CCM2L: variants seen among roughly 807,000 people sequenced by gnomAD.
The protein encoded by CCM2L is cerebral cavernous malformations 2 protein-like.
CCM2L carries 36 observed loss-of-function variants against 54.1 expected under a neutral mutation model. That is an observed-to-expected ratio of 0.67 (90% CI 0.51 to 0.88). CCM2L has a LOEUF of 0.88. Ranked by LOEUF, CCM2L falls within the 40% of genes least tolerant of loss-of-function variation. CCM2L has a pLI of 0.00. For synonymous variants in CCM2L, 351 were observed against 359.3 expected, an observed-to-expected ratio of 0.98 and a Z score of 0.26; for missense variants, 700 against 812.1, an observed-to-expected ratio of 0.86 and a Z score of 1.68.
Position 32,031,436 on chromosome 20 carries a change from G to C in CCM2L, c.*122G>C. 1.2e-6 allele frequency: 1 copy of C among 811,900 alleles called. No homozygotes were observed. 50.3% of individuals were successfully genotyped at this position (811,900 alleles called of 1,614,324 possible). On this transcript the variant is annotated 3_prime_UTR_variant, in exon 10 of 10. Coordinates refer to ENST00000452892, the MANE Select transcript of CCM2L (RefSeq NM_001365692.1). Reference sequence around the variant, plus strand: ...CGGGGCCGGGGGGTCTTCACTCCAGGGTCTCGCTCCCTGCCCTTGGGGCCC... The same window carrying C: ...CGGGGCCGGGGGGTCTTCACTCCAGCGTCTCGCTCCCTGCCCTTGGGGCCC...
At chr20:32,018,264 G>T (rs1156398590) in intron 4 of CCM2L, 102 bp downstream of exon 4, 1 of 901,958 alleles carries the variant, frequency 1.1e-6, no homozygotes, top group Non-Finnish European at 1.6e-6. Flanking sequence ...CCGGAGGTGT[G>T]CGGATGGAGA....
chr20:32,016,959 C>T (rs545033439), intron 2 of CCM2L, among the ~76,000 whole-genome samples: 5 of 152,014 alleles, frequency 3.3e-5, no homozygotes, highest in African/African-American at 7.2e-5. Flanking sequence ...GGCAGCCTGG[C>T]CAACATGGTG....
chr20:32,023,291 A>C (rs1467185652), intron 6 of CCM2L, among the ~76,000 whole-genome samples: 1 of 152,198 alleles, frequency 6.6e-6, no homozygotes, highest in East Asian at 1.9e-4. Context: ...TGATGATCTC[A>C]AACTTAGCTT....
intron 9 of CCM2L, among the ~76,000 whole-genome samples, chr20:32,030,394 C>T (rs1568928786): frequency 6.6e-6 from 1 of 152,168 alleles, no homozygotes; most frequent in Admixed American, 6.5e-5. Context: ...ATAAAACAAA[C>T]TGTTTACAGA....
chr20:32,029,630 T>C (rs2064899726), intron 8 of CCM2L, 70 bp from the exon 9 acceptor site: 2 of 1,533,094 alleles, frequency 1.3e-6, no homozygotes, highest in African/African-American at 2.8e-5. Flanking sequence ...GGGAAGGCTC[T>C]GGGCCTTTCA....
chr20:32,022,823 T>C, intron 6 of CCM2L, 28 bp downstream of exon 6: 1 of 1,609,964 alleles, frequency 6.2e-7, no homozygotes, highest in East Asian at 2.2e-5. Context: ...TGGCCTCCCC[T>C]CCTGTGAAAC....
intron 2 of CCM2L, 143 bp from the exon 3 acceptor site, chr20:32,017,657 G>T: frequency 1.3e-6 from 1 of 752,318 alleles, no homozygotes; most frequent in Non-Finnish European, 2.4e-6. Context: ...TCTATTAAGG[G>T]CTCAGTAAAA....
chr20:32,019,019 CG>C lies in CCM2L; in HGVS notation c.547del (p.Ala183ArgfsTer126). On this transcript the variant is annotated frameshift_variant, in exon 5 of 10. Transcript: ENST00000452892. LOFTEE classifies it high-confidence loss of function. ...CAGGACGCGACCCCGGCCCGCCAGGCGGGGCGCCCGAGAAGCGGCGGGTGGG... is the reference window on the plus strand; with the variant it reads ...CAGGACGCGACCCCGGCCCGCCAGGCGGGCGCCCGAGAAGCGGCGGGTGGG... ...GAGRDPGPPG[G>X]APEKRRVGTA... is the part of the protein sequence containing the mutation. 1 of 1,328,956 alleles carries C rather than the reference CG, an allele frequency of 7.5e-7. No individual in the cohort carries two copies. Among genetic ancestry groups the C allele is most frequent in the South Asian group, 2.0e-5 (1 of 49,316 alleles). The allele number at this position is 1,328,956 out of a possible 1,614,324, so 82.3% of individuals were successfully genotyped here.
Position 32,014,261 on chromosome 20 carries a change from A to ATTT in CCM2L, c.31-629_31-627dup, listed in dbSNP as rs5841095. ...TATGTGTGTACATATATATATATAT[A>ATTT]TTTTTTTTTTTTTTTTGAGACAGAG... On this transcript the variant is annotated intron_variant, in intron 1 of 9. Transcript: ENST00000452892. Among the ~76,000 whole-genome samples the ATTT allele has an allele frequency of 1.2e-3, 161 of 132,222 alleles. No individual in the cohort carries two copies. In the Middle Eastern group the frequency reaches 0.028, roughly 23 times the overall value. The allele number at this position is 132,222 out of a possible 152,430, so 86.7% of individuals were successfully genotyped here. A position where few individuals can be genotyped will look rare whatever the true frequency, so the allele number is the denominator to read the frequency against.
At chr20:32,030,939 C>A (rs2064916917) in intron 9 of CCM2L, 62 bp from the exon 10 acceptor site, 2 of 1,277,050 alleles carry the variant, frequency 1.6e-6, no homozygotes, top group Non-Finnish European at 2.1e-6. Flanking sequence ...AGAGAGGACG[C>A]TTCCCCTGTG....
rs2064769982 is a variant in CCM2L at position 32,018,968 on chromosome 20, C to T, written c.492C>T (p.Ala164=). 7.1e-7 allele frequency: 1 copy of T among 1,401,566 alleles called. No individual in the cohort carries two copies. Among genetic ancestry groups the T allele is most frequent in the Non-Finnish European group, 9.2e-7 (1 of 1,082,146 alleles). The allele number at this position is 1,401,566 out of a possible 1,614,324, so 86.8% of individuals were successfully genotyped here. A position where few individuals can be genotyped will look rare whatever the true frequency, so the allele number is the denominator to read the frequency against. ...GTCTGGGTGTGGACCCGGTGCCGGC[C>T]GGCGTGGATGCCAGCCCAGGCGGCG... ...KTGLGVDPVP[A]GVDASPGGAG... The change falls in exon 5 of 10, where the codon GCC becomes GCT. Residue 164 remains alanine, a synonymous_variant. Transcript: ENST00000452892.
intron 5 of CCM2L, 98 bp downstream of exon 5, chr20:32,019,507 C>A: frequency 1.2e-6 from 1 of 834,724 alleles, no homozygotes; most frequent in Non-Finnish European, 1.7e-6. Flanking sequence ...TTCCTAGGAT[C>A]TGCCCCTGCC....
rs2064773530 is a variant in CCM2L at position 32,019,116 on chromosome 20, G to A, written c.640G>A (p.Ala214Thr). ...RMGWGGGAAEARAGGGGGGSL... is the reference protein window; with the variant it reads ...RMGWGGGAAETRAGGGGGGSL... ...GGGGTGGGGTGGGGGCGCCGCGGAG[G>A]CCCGGGCCGGGGGAGGCGGCGGCGG... is the stretch of plus-strand genomic sequence containing the variant. Residue 214 changes from alanine to threonine, a missense_variant, in exon 5 of 10, where the codon GCC becomes ACC. By Grantham distance (58) the Ala-to-Thr change is moderately conservative. Transcript: ENST00000452892. 6.9e-6 allele frequency: 8 copies of A among 1,162,926 alleles called. No homozygotes were observed. Among genetic ancestry groups the A allele is most frequent in the Non-Finnish European group, 6.4e-6 (6 of 943,292 alleles). The allele number at this position is 1,162,926 out of a possible 1,614,324, so 72.0% of individuals were successfully genotyped here.
intron 2 of CCM2L, among the ~76,000 whole-genome samples, chr20:32,015,874 T>TTTTTTTTTTTTTTTA (rs2064737479): frequency 1.3e-5 from 2 of 151,122 alleles, no homozygotes; most frequent in African/African-American, 2.4e-5. Context: ...TTTTTTTTTT[T>TTTTTTTTTTTTTTTA]GAGACAGAGT....
chr20:32,015,228 C>G (rs775446780), intron 2 of CCM2L, among the ~76,000 whole-genome samples, 157 bp downstream of exon 2: 3 of 152,198 alleles, frequency 2.0e-5, no homozygotes, highest in Non-Finnish European at 4.4e-5. Flanking sequence ...CCACCTTCAG[C>G]AAGTGACCTC....
Position 32,019,131 on chromosome 20 carries a change from G to A in CCM2L, c.655G>A (p.Gly219Ser), listed in dbSNP as rs1288105371. The change falls in exon 5 of 10, where the codon GGC becomes AGC. Residue 219 changes from glycine to serine, a missense_variant. Physicochemically the swap from Gly to Ser is moderately conservative, Grantham distance 56. Coordinates refer to ENST00000452892, the MANE Select transcript of CCM2L (RefSeq NM_001365692.1). ...GGAAEARAGG[G>S]GGGSLERQRA... ...CGCCGCGGAGGCCCGGGCCGGGGGAGGCGGCGGCGGCAGCTTGGAGCGCCA... is the reference window on the plus strand; with the variant it reads ...CGCCGCGGAGGCCCGGGCCGGGGGAAGCGGCGGCGGCAGCTTGGAGCGCCA... 1.8e-6 allele frequency: 2 copies of A among 1,136,176 alleles called. No homozygotes were observed. The highest frequency in any genetic ancestry group is 2.2e-6 in the Non-Finnish European group (2 of 927,796). The allele number at this position is 1,136,176 out of a possible 1,614,324, so 70.4% of individuals were successfully genotyped here.
Position 32,022,888 on chromosome 20 carries a change from A to G in CCM2L, c.1069+93A>G. The G allele has an allele frequency of 2.8e-6, 4 of 1,404,356 alleles. No individual in the cohort carries two copies. In the South Asian group the frequency reaches 5.2e-5, roughly 18 times the overall value. The allele number at this position is 1,404,356 out of a possible 1,614,324, so 87.0% of individuals were successfully genotyped here. Reference sequence around the variant, plus strand: ...TCCCAGGACTTGGGCTGATGAAGGTATTTAGGGCTCCTGATCTCTGCCATA... The same window carrying G: ...TCCCAGGACTTGGGCTGATGAAGGTGTTTAGGGCTCCTGATCTCTGCCATA... On this transcript the variant is annotated intron_variant, in intron 6 of 9. Transcript: ENST00000452892.
chr20:32,021,061 A>G (rs1242646466), intron 5 of CCM2L, among the ~76,000 whole-genome samples: 1 of 151,716 alleles, frequency 6.6e-6, no homozygotes, highest in African/African-American at 2.4e-5. Context: ...CACCTGAATC[A>G]TGTGGTCATC....
At chr20:32,014,262 T>TATATATA (rs571156611) in intron 1 of CCM2L, among the ~76,000 whole-genome samples, 198 of 105,020 alleles carry the variant, frequency 1.9e-3, no homozygotes, top group Middle Eastern at 0.011. Flanking sequence ...TATATATATA[T>TATATATA]TTTTTTTTTT....
Sources: gnomAD v4.1 joint callset for allele counts (sites outside exome capture counted in the v4.1 genomes callset) on GRCh38, gnomAD v4.1.1 for gene constraint, MANE v1.5 for transcripts, NCBI Gene and HGNC (gene_info 2026-07-23, HGNC 2026-07-21) for gene names.